Variants in NRXN1 observed in about 807,000 individuals in gnomAD.
NRXN1 encodes neurexin 1, also known as neurexin-1.
A neutral mutation model predicts 150.9 loss-of-function variants in NRXN1; 39 were observed. The observed-to-expected ratio is 0.26, with a 90% CI of 0.20 to 0.34. The LOEUF (loss-of-function observed/expected upper bound fraction) is 0.34, where lower values mean the gene tolerates loss of function less well. NRXN1 is among the 10% of genes least tolerant of loss of function. The pLI is 1.00. For synonymous variants in NRXN1, 924 were observed against 757.0 expected (o/e 1.22, Z -3.62); for missense variants, 1,815 against 1,949.9 (o/e 0.93, Z 1.30).
At chr2:49,938,493 G>C (rs1671428719) in intron 22 of NRXN1, among the ~76,000 whole-genome samples, 2 of 152,164 alleles carry the variant, frequency 1.3e-5, no homozygotes, top group African/African-American at 4.8e-5. Flanking sequence ...TCCAGCTAAA[G>C]AGATGCCACA....
intron 5 of NRXN1, among the ~76,000 whole-genome samples, chr2:50,848,474 G>T (rs572784181): frequency 3.9e-5 from 6 of 152,154 alleles, no homozygotes; most frequent in East Asian, 1.9e-4. Flanking sequence ...GCTCTGCTTC[G>T]GTTTGGGAGG....
intron 8 of NRXN1, among the ~76,000 whole-genome samples, chr2:50,577,232 A>G (rs111615398): frequency 4.6e-4 from 70 of 152,240 alleles, no homozygotes; most frequent in African/African-American, 1.6e-3. Flanking sequence ...AAATTAGAAC[A>G]TTCATTTTTT....
chr2:50,134,307 A>T (rs1456523762), intron 18 of NRXN1, among the ~76,000 whole-genome samples: 8 of 151,696 alleles, frequency 5.3e-5, no homozygotes, highest in South Asian at 2.1e-4. Context: ...ACACTAAGCA[A>T]ACAGGTTTTC....
intron 17 of NRXN1, among the ~76,000 whole-genome samples, chr2:50,365,435 GTC>G (rs1386705586): frequency 1.6e-4 from 25 of 152,004 alleles, no homozygotes; most frequent in African/African-American, 5.8e-4. Flanking sequence ...AAAATCATGA[GTC>G]TATTTTCACA....
intron 8 of NRXN1, among the ~76,000 whole-genome samples, chr2:50,572,671 A>G (rs1016835292): frequency 1.3e-5 from 2 of 152,226 alleles, no homozygotes; most frequent in African/African-American, 4.8e-5. Context: ...ATTCCACTGT[A>G]TCACACCAAA....
chr2:50,774,920 T>C (rs1257191429), intron 5 of NRXN1, among the ~76,000 whole-genome samples: 1 of 152,126 alleles, frequency 6.6e-6, no homozygotes, highest in Non-Finnish European at 1.5e-5. Flanking sequence ...AATAAACCAA[T>C]TAAACAATAA....
chr2:50,764,147 G>C (rs1432732978), intron 5 of NRXN1, among the ~76,000 whole-genome samples: 2 of 151,688 alleles, frequency 1.3e-5, no homozygotes, highest in Non-Finnish European at 2.9e-5. Context: ...AGCCCCTGTA[G>C]AGCAACATAT....
At chr2:50,514,458 T>C (rs1014100547) in intron 12 of NRXN1, among the ~76,000 whole-genome samples, 6 of 152,220 alleles carry the variant, frequency 3.9e-5, no homozygotes, top group Non-Finnish European at 7.3e-5. Context: ...ATTAATTTTG[T>C]TTAAAATTTA....
chr2:50,579,142 C>G (rs1457498576), intron 8 of NRXN1, among the ~76,000 whole-genome samples: 1 of 152,096 alleles, frequency 6.6e-6, no homozygotes, highest in Non-Finnish European at 1.5e-5. Flanking sequence ...GTGGGTAGAG[C>G]GAAATGAGGC....
chr2:49,922,327 T>C, intron 22 of NRXN1, 76 bp from the exon 23 acceptor site: 1 of 1,368,426 alleles, frequency 7.3e-7, no homozygotes, highest in Non-Finnish European at 1.0e-6. Flanking sequence ...TATTAACATT[T>C]ATTATCTAAT....
chr2:50,830,109 G>A (rs1035967559), intron 5 of NRXN1, among the ~76,000 whole-genome samples: 32 of 150,386 alleles, frequency 2.1e-4, no homozygotes, highest in African/African-American at 7.6e-4. Flanking sequence ...TTGGCACTAG[G>A]GCATTGTCTG....
chr2:50,651,220 T>A (rs1403675077), intron 5 of NRXN1, among the ~76,000 whole-genome samples: 1 of 151,994 alleles, frequency 6.6e-6, no homozygotes, highest in Non-Finnish European at 1.5e-5. Context: ...CATACATGTA[T>A]ATGGTAATTC....
intron 2 of NRXN1, 144 bp downstream of exon 2, chr2:51,027,358 A>G (rs1670666938): frequency 2.6e-6 from 2 of 783,956 alleles, no homozygotes; most frequent in Non-Finnish European, 3.7e-6. Context: ...TAAGGTAGAG[A>G]GTCCCCCAGA....
chr2:50,774,013 G>C (rs1262692332), intron 5 of NRXN1, among the ~76,000 whole-genome samples: 1 of 152,008 alleles, frequency 6.6e-6, no homozygotes, highest in Non-Finnish European at 1.5e-5. Flanking sequence ...CTAAATAAAC[G>C]TTTACATCAG....
chr2:50,461,621 T>A (rs1334661839), intron 17 of NRXN1, among the ~76,000 whole-genome samples: 1 of 151,972 alleles, frequency 6.6e-6, no homozygotes, highest in African/African-American at 2.4e-5. Context: ...TTACAATGAA[T>A]GTAAACTTTT....
rs1461062258 is a variant in NRXN1 at position 50,538,283 on chromosome 2, T to C, written c.2113A>G (p.Thr705Ala). The change falls in exon 10 of 23, where the codon ACA (threonine) becomes GCA (alanine). Residue 705 changes from threonine to alanine, a missense_variant. Transcript: ENST00000401669. ...TCACAGGACCTGCCAAGATAGCCTG[T>C]TCCGGAACAATCACAGACATATCTG... ...WNRYVCDCSG[T>A]GYLGRSCERE... 6.2e-7 allele frequency: 1 copy of C among 1,613,536 alleles called. No homozygotes were observed.
chr2:50,622,220 T>C (rs1005312597), intron 6 of NRXN1, among the ~76,000 whole-genome samples: 12 of 152,122 alleles, frequency 7.9e-5, no homozygotes, highest in African/African-American at 1.7e-4. Context: ...TCAGTTTTAT[T>C]TGTTTGCCTT....
At chr2:50,603,142 A>T (rs550242116) in intron 8 of NRXN1, among the ~76,000 whole-genome samples, 64 of 152,352 alleles carry the variant, frequency 4.2e-4, no homozygotes, top group African/African-American at 1.5e-3. Context: ...TTATCCATCT[A>T]CCTTTGCTAG....
chr2:50,366,324 T>C (rs2079580939), intron 17 of NRXN1, among the ~76,000 whole-genome samples: 1 of 152,018 alleles, frequency 6.6e-6, no homozygotes, highest in African/African-American at 2.4e-5. Context: ...AGGTAGTATC[T>C]ATATAGAAAC....
Sources: gnomAD v4.1 joint callset for allele counts (sites outside exome capture counted in the v4.1 genomes callset) on GRCh38, gnomAD v4.1.1 for gene constraint, MANE v1.5 for transcripts, NCBI Gene and HGNC (gene_info 2026-07-23, HGNC 2026-07-21) for gene names.